The following MAP3K5 variants were observed in gnomAD, a reference collection of about 807,000 sequenced individuals.
MAP3K5 encodes the protein ASK-1.
MAP3K5 carries 56 observed loss-of-function variants against 158.7 expected under a neutral mutation model. The ratio of observed to expected loss-of-function variants is 0.35; its 90% confidence interval spans 0.28 to 0.44. MAP3K5 has a LOEUF of 0.44. MAP3K5 is among the 20% of genes least tolerant of loss of function. MAP3K5 has a pLI of 1.00. For missense variants in MAP3K5, 1,294 were observed against 1,674.8 expected, an observed-to-expected ratio of 0.77 and a Z score of 3.97; for synonymous variants, 579 against 601.7, an observed-to-expected ratio of 0.96 and a Z score of 0.55.
intron 15 of MAP3K5, among the ~76,000 whole-genome samples, chr6:136,615,465 C>G (rs1776521450): frequency 6.6e-6 from 1 of 152,104 alleles, no homozygotes; most frequent in East Asian, 1.9e-4. Context: ...TTTTTGAAAA[C>G]TGGCCTGTTG....
intron 20 of MAP3K5, among the ~76,000 whole-genome samples, chr6:136,601,271 T>A (rs973994006): frequency 1.3e-5 from 2 of 152,214 alleles, no homozygotes; most frequent in Admixed American, 6.5e-5. Flanking sequence ...GTACTTATAT[T>A]TTTACACTAC....
intron 1 of MAP3K5, among the ~76,000 whole-genome samples, chr6:136,776,914 G>C (rs1784423034): frequency 6.6e-6 from 1 of 152,138 alleles, no homozygotes; most frequent in Admixed American, 6.5e-5. Flanking sequence ...ATCGGTCCTT[G>C]GGTAACCCAC....
chr6:136,768,756 A>T (rs1215803402), intron 1 of MAP3K5, among the ~76,000 whole-genome samples: 1 of 152,044 alleles, frequency 6.6e-6, no homozygotes, highest in Non-Finnish European at 1.5e-5. Context: ...TCTCCTAAAA[A>T]TTCAAAAGTA....
At chr6:136,691,610 A>C (rs1443256712) in intron 7 of MAP3K5, among the ~76,000 whole-genome samples, 1 of 100,014 alleles carries the variant, frequency 1.0e-5, no homozygotes. Flanking sequence ...GATTCGTCTC[A>C]AAAAAAAAAA....
At chr6:136,631,524 T>G (rs1384312297) in intron 14 of MAP3K5, among the ~76,000 whole-genome samples, 1 of 151,914 alleles carries the variant, frequency 6.6e-6, no homozygotes, top group African/African-American at 2.4e-5. Context: ...TTTTTCTTTT[T>G]TTTTTTTAGA....
At chr6:136,704,367 G>A (rs1263217948) in intron 3 of MAP3K5, among the ~76,000 whole-genome samples, 1 of 152,006 alleles carries the variant, frequency 6.6e-6, no homozygotes, top group Non-Finnish European at 1.5e-5. Flanking sequence ...GGGGAATCAC[G>A]ATTTAGAAAA....
rs1452375249 is a variant in MAP3K5, at chr6:136,737,035, G to GTATATA, written c.449-16447_449-16446insTATATA. Among the ~76,000 whole-genome samples the GTATATA allele has an allele frequency of 2.4e-4, 29 of 118,712 alleles. 1 individual carries two copies. The highest frequency in any genetic ancestry group is 5.2e-4 in the Admixed American group (7 of 13,410). The allele number at this position is 118,712 out of a possible 152,430, so 77.9% of individuals were successfully genotyped here. A position where few individuals can be genotyped will look rare whatever the true frequency, so the allele number is the denominator to read the frequency against. ...ATTAATTTTACATATATATATGTGT[G>GTATATA]TGTATATATATATATATATATAAAC... is the stretch of plus-strand genomic sequence containing the variant. On this transcript the variant is annotated intron_variant, in intron 1 of 29. Transcript: ENST00000359015.
intron 7 of MAP3K5, among the ~76,000 whole-genome samples, chr6:136,684,389 A>G (rs1252221376): frequency 2.0e-5 from 3 of 152,174 alleles, no homozygotes; most frequent in African/African-American, 7.2e-5. Context: ...TGCATATAAC[A>G]AAATTTTCTA....
intron 2 of MAP3K5, among the ~76,000 whole-genome samples, chr6:136,719,430 TA>T (rs951332822): frequency 6.6e-6 from 1 of 152,104 alleles, no homozygotes; most frequent in Non-Finnish European, 1.5e-5. Flanking sequence ...TTAGGACAAG[TA>T]GGGGCAAATC....
At chr6:136,619,137 AG>A (rs906640194) in intron 15 of MAP3K5, among the ~76,000 whole-genome samples, 34 of 152,132 alleles carry the variant, frequency 2.2e-4, no homozygotes, top group African/African-American at 8.2e-4. Flanking sequence ...CTTGCATGGG[AG>A]GGGGTGTCTT....
intron 1 of MAP3K5, among the ~76,000 whole-genome samples, chr6:136,743,831 C>G (rs1782818421): frequency 6.6e-6 from 1 of 152,070 alleles, no homozygotes; most frequent in South Asian, 2.1e-4. Flanking sequence ...GTGGTACAGA[C>G]AGACAATTCA....
intron 1 of MAP3K5, among the ~76,000 whole-genome samples, chr6:136,769,899 A>T (rs1038758193): frequency 4.2e-4 from 59 of 140,082 alleles, no homozygotes; most frequent in South Asian, 7.5e-4. Context: ...GAAAGGAAGG[A>T]GAAAGGGAGG....
chr6:136,666,210 A>G (rs1779224566), intron 8 of MAP3K5, among the ~76,000 whole-genome samples: 1 of 152,222 alleles, frequency 6.6e-6, no homozygotes, highest in Admixed American at 6.5e-5. Flanking sequence ...AGATCCATGA[A>G]GCAATTAGTC....
intron 9 of MAP3K5, among the ~76,000 whole-genome samples, chr6:136,658,313 C>CTTTTTTTTT (rs57535051): frequency 2.7e-4 from 24 of 90,478 alleles, no homozygotes; most frequent in African/African-American, 7.8e-4. Flanking sequence ...TTCTTTCTTT[C>CTTTTTTTTT]TTTTTTTTTT....
chr6:136,702,106 A>T (rs1054076496), intron 3 of MAP3K5, among the ~76,000 whole-genome samples: 1 of 152,070 alleles, frequency 6.6e-6, no homozygotes, highest in East Asian at 1.9e-4. Context: ...ATACCTAAGC[A>T]TGCTAAGGGT....
chr6:136,723,630 T>C lies in MAP3K5; in HGVS notation c.449-3041A>G, dbSNP rs77597393. On this transcript the variant is annotated intron_variant, in intron 1 of 29. Transcript: ENST00000359015. ...TGAACAACATTCAAGACCTGTGTGA[T>C]GGAATATAAAACCAAAGTGCAGCAC... Among the ~76,000 whole-genome samples the C allele has an allele frequency of 9.1e-3, 1,381 of 152,318 alleles. 16 individuals carry two copies. Among genetic ancestry groups the C allele is most frequent in the African/African-American group, 0.031 (1,269 of 41,566 alleles).
At position 136,792,264 on chromosome 6, in the gene MAP3K5, T is replaced by C; in HGVS notation, c.-107A>G. The C allele has an allele frequency of 8.4e-7, 1 of 1,192,586 alleles. No homozygotes were observed. Among genetic ancestry groups the C allele is most frequent in the Non-Finnish European group, 1.0e-6 (1 of 967,268 alleles). 73.9% of individuals were successfully genotyped at this position (1,192,586 alleles called of 1,614,324 possible). On this transcript the variant is annotated 5_prime_UTR_variant, in exon 1 of 30. It removes an upstream start codon present in the reference 5' UTR. Coordinates refer to ENST00000359015, the MANE Select transcript of MAP3K5 (RefSeq NM_005923.4). This position sits in a 1 kb window ranked among gnomAD's most constrained non-coding sequence, Gnocchi z 5.7. ...CGCCCGCCGGGCTAAGCAGCTGCCATCGCGCGCCGCGCCCTCGCCGCCGCG... is the reference window on the plus strand; with the variant it reads ...CGCCCGCCGGGCTAAGCAGCTGCCACCGCGCGCCGCGCCCTCGCCGCCGCG...
chr6:136,653,561 G>C (rs1480372257), intron 10 of MAP3K5, among the ~76,000 whole-genome samples: 1 of 152,144 alleles, frequency 6.6e-6, no homozygotes, highest in Non-Finnish European at 1.5e-5. Context: ...CTCTATGAGG[G>C]AGAGCACGGG....
At chr6:136,645,289 A>G (rs1778198533) in intron 11 of MAP3K5, among the ~76,000 whole-genome samples, 1 of 152,124 alleles carries the variant, frequency 6.6e-6, no homozygotes, top group South Asian at 2.1e-4. Flanking sequence ...TTTGGCAGGG[A>G]GTTTGTAGCA....
Sources: allele counts gnomAD v4.1 joint callset (sites outside exome capture counted in the v4.1 genomes callset), GRCh38; gene constraint gnomAD v4.1.1; non-coding constraint Gnocchi (gnomAD v3.1); transcripts MANE v1.5; gene names NCBI Gene and HGNC (gene_info 2026-07-23, HGNC 2026-07-21).